The following ROR2 variants were observed in gnomAD, a reference collection of about 807,000 sequenced individuals.
ROR2 encodes the protein tyrosine-protein kinase transmembrane receptor ROR2.
Under a neutral mutation model 74.9 loss-of-function variants are expected in ROR2, and 33 were observed. The ratio of observed to expected loss-of-function variants is 0.44; its 90% confidence interval spans 0.33 to 0.59. ROR2 has a LOEUF of 0.59. Ranked by LOEUF, ROR2 falls within the 20% of genes least tolerant of loss-of-function variation. The pLI is 0.02. For synonymous variants in ROR2, 586 were observed against 558.7 expected (o/e 1.05, Z -0.69); for missense variants, 1,216 against 1,313.8 (o/e 0.93, Z 1.15).
chr9:91,947,712 A>G (rs1409509796), intron 1 of ROR2, among the ~76,000 whole-genome samples: 1 of 152,186 alleles, frequency 6.6e-6, no homozygotes, highest in Non-Finnish European at 1.5e-5. Flanking sequence ...CAGAGGAAAC[A>G]GAGTCTTGCT....
Position 91,730,932 on chromosome 9 carries a change from T to C in ROR2, c.1161A>G (p.Glu387=). The change falls in exon 7 of 9, where the codon GAA becomes GAG. Residue 387 remains glutamate, a synonymous_variant. Coordinates refer to ENST00000375708, the MANE Select transcript of ROR2 (RefSeq NM_004560.4). ...TACTACACGAGGGTACGTCACACAGTTCCATGCGTACGTTTTTATTCTGCG... is the reference window on the plus strand; with the variant it reads ...TACTACACGAGGGTACGTCACACAGCTCCATGCGTACGTTTTTATTCTGCG... The part of the protein sequence containing the change: ...CFTQNKNVRM[E]LCDVPSCSPR... The C allele has an allele frequency of 6.2e-7, 1 of 1,614,050 alleles. No homozygotes were observed. Among genetic ancestry groups the C allele is most frequent in the Non-Finnish European group, 8.5e-7 (1 of 1,180,006 alleles).
At chr9:91,806,245 CCAA>C (rs1365650518) in intron 1 of ROR2, among the ~76,000 whole-genome samples, 1 of 152,144 alleles carries the variant, frequency 6.6e-6, no homozygotes, top group African/African-American at 2.4e-5. Context: ...GCTGGAAAGC[CCAA>C]CATCAAGGCA....
chr9:91,844,728 C>T (rs886418406), intron 1 of ROR2, among the ~76,000 whole-genome samples: 2 of 152,124 alleles, frequency 1.3e-5, no homozygotes, highest in African/African-American at 4.8e-5. Flanking sequence ...AGAACCTACA[C>T]TGTTAGGAAG....
chr9:91,927,562 C>CTTTTTTT (rs775823582), intron 1 of ROR2, among the ~76,000 whole-genome samples: 17 of 94,944 alleles, frequency 1.8e-4, no homozygotes, highest in Non-Finnish European at 3.4e-4. Context: ...TTTCTAGATT[C>CTTTTTTT]TTTTTTTTTT....
intron 2 of ROR2, among the ~76,000 whole-genome samples, chr9:91,759,856 C>G (rs1825860651): frequency 6.6e-6 from 1 of 152,150 alleles, no homozygotes; most frequent in Non-Finnish European, 1.5e-5. Flanking sequence ...GCCATCTTCA[C>G]ATTATATTGG....
chr9:91,760,959 C>T (rs370026588), intron 2 of ROR2, among the ~76,000 whole-genome samples: 1 of 152,208 alleles, frequency 6.6e-6, no homozygotes, highest in African/African-American at 2.4e-5. Flanking sequence ...TTATTTCTGT[C>T]TAAATGACTT....
intron 1 of ROR2, among the ~76,000 whole-genome samples, chr9:91,842,650 C>A (rs1039993531): frequency 3.9e-5 from 6 of 152,232 alleles, no homozygotes; most frequent in Admixed American, 6.5e-5. Flanking sequence ...GCTGGGTTTG[C>A]CCAGACAGGC....
chr9:91,889,854 G>A (rs891689002), intron 1 of ROR2, among the ~76,000 whole-genome samples: 3 of 152,160 alleles, frequency 2.0e-5, no homozygotes, highest in African/African-American at 4.8e-5. Flanking sequence ...TGACCCACAC[G>A]GAAGACACAC....
At chr9:91,910,563 T>C (rs949670622) in intron 1 of ROR2, among the ~76,000 whole-genome samples, 13 of 152,090 alleles carry the variant, frequency 8.5e-5, no homozygotes, top group African/African-American at 3.1e-4. Context: ...AAAGAAAATA[T>C]TTGCAAATCA....
Position 91,733,414 on chromosome 9 carries a change from C to T in ROR2, c.645G>A (p.Thr215=), listed in dbSNP as rs200374042. Residue 215 remains threonine, a synonymous_variant, in exon 6 of 9, where the codon ACG becomes ACA. Transcript: ENST00000375708. The surrounding 1 kb of genome is among the most constrained non-coding windows in gnomAD (Gnocchi z 5.7). ...AGCACTGGTCCGACAGGTGCGTAGA[C>T]GTGCCGATCATGGTGAAGGCCGCTG... ...RITAAFTMIG[T]STHLSDQCSQ... 4 of 1,611,408 alleles carry T rather than the reference C, an allele frequency of 2.5e-6. No homozygotes were observed. In the East Asian group the frequency reaches 6.7e-5, roughly 27 times the overall value.
At chr9:91,771,715 C>CT (rs1826233190) in intron 2 of ROR2, among the ~76,000 whole-genome samples, 2 of 143,144 alleles carry the variant, frequency 1.4e-5, no homozygotes, top group African/African-American at 5.2e-5. Context: ...TCTCTCTCCT[C>CT]TCTCTCTTCT....
In ROR2 at chr9:91,944,493, A is replaced by G. The variant is rs78382248; in HGVS notation, c.97+5374T>C. ...ATAAGAGCTACAAAAATGCTATTTG[A>G]GCTAATAAGCAAATTCCACAAGCTT... On this transcript the variant is annotated intron_variant, in intron 1 of 8. Coordinates refer to ENST00000375708, the MANE Select transcript of ROR2 (RefSeq NM_004560.4). Among the ~76,000 whole-genome samples the G allele has an allele frequency of 2.7e-3, 404 of 152,350 alleles. 3 individuals carry two copies. Among genetic ancestry groups the G allele is most frequent in the African/African-American group, 9.2e-3 (383 of 41,586 alleles).
intron 1 of ROR2, among the ~76,000 whole-genome samples, chr9:91,900,460 A>T (rs1830647713): frequency 6.6e-6 from 1 of 152,258 alleles, no homozygotes. Flanking sequence ...CTGGAGCAAG[A>T]GAGGCTGGCA....
intron 1 of ROR2, among the ~76,000 whole-genome samples, chr9:91,855,766 G>A (rs148410782): frequency 2.6e-4 from 40 of 152,174 alleles, no homozygotes; most frequent in African/African-American, 8.7e-4. Flanking sequence ...GAGGACCAGC[G>A]TAACTACACA....
intron 1 of ROR2, among the ~76,000 whole-genome samples, chr9:91,846,272 G>C (rs1265914998): frequency 6.6e-6 from 1 of 152,202 alleles, no homozygotes; most frequent in Non-Finnish European, 1.5e-5. Flanking sequence ...GGTGTTTGGA[G>C]TCGGGGCCTG....
At chr9:91,931,896 A>G (rs888246363) in intron 1 of ROR2, among the ~76,000 whole-genome samples, 1 of 152,216 alleles carries the variant, frequency 6.6e-6, no homozygotes, top group Admixed American at 6.5e-5. Flanking sequence ...TCTAAAGTTT[A>G]TCTAGAAAAA....
At chr9:91,895,111 T>C (rs1443282863) in intron 1 of ROR2, among the ~76,000 whole-genome samples, 1 of 151,988 alleles carries the variant, frequency 6.6e-6, no homozygotes, top group African/African-American at 2.4e-5. Context: ...TATCAAACCA[T>C]GAAAAGAGAT....
intron 1 of ROR2, among the ~76,000 whole-genome samples, chr9:91,779,034 T>A (rs759511656): frequency 2.6e-5 from 4 of 152,164 alleles, no homozygotes; most frequent in African/African-American, 4.8e-5. Context: ...CTAAATATAA[T>A]GTGGTATCCT....
rs547950005 is a variant in ROR2, at chr9:91,916,828, A to G, written c.97+33039T>C. On this transcript the variant is annotated intron_variant, in intron 1 of 8. Transcript: ENST00000375708. ...TACCATTTTCTCCCAAGAAACTGGC[A>G]AAGGAGGAAGAAAGGTGAAGTCGGC... 2.6e-4 allele frequency among the ~76,000 whole-genome samples: 40 copies of G among 152,248 alleles called. No individual in the cohort carries two copies. The South Asian group carries it at 8.3e-3, about 32-fold the overall frequency.
Sources: gnomAD v4.1 joint callset for allele counts (sites outside exome capture counted in the v4.1 genomes callset) on GRCh38, gnomAD v4.1.1 for gene constraint, Gnocchi (gnomAD v3.1) non-coding constraint, MANE v1.5 for transcripts, NCBI Gene and HGNC (gene_info 2026-07-23, HGNC 2026-07-21) for gene names.